Variants in AFF2 observed in about 807,000 individuals in gnomAD.
The protein encoded by AFF2 is ALF transcription elongation factor 2, also known as AF4/FMR2 family member 2.
Under a neutral mutation model 76.9 loss-of-function variants are expected in AFF2, and 14 were observed. That is an observed-to-expected ratio of 0.18 (90% CI 0.12 to 0.28). AFF2 has a LOEUF of 0.28. AFF2 is among the 10% of genes least tolerant of loss of function. The pLI is 1.00. For synonymous variants in AFF2, 398 were observed against 366.7 expected, an observed-to-expected ratio of 1.09 and a Z score of -0.98; for missense variants, 868 against 1,001.1, an observed-to-expected ratio of 0.87 and a Z score of 1.79.
intron 1 of AFF2, among the ~76,000 whole-genome samples, chrX:148,573,339 A>C (rs2124329879): frequency 9.0e-6 from 1 of 111,237 alleles, no homozygotes; most frequent in East Asian, 2.8e-4. Flanking sequence ...AGACAGAAGA[A>C]ACATGCAATG....
intron 3 of AFF2, among the ~76,000 whole-genome samples, chrX:148,696,679 A>G (rs2054725898): frequency 3.6e-5 from 4 of 111,845 alleles, no homozygotes; most frequent in Non-Finnish European, 5.6e-5. Flanking sequence ...TATTTAAAGG[A>G]TATTTGTGTC....
At chrX:148,781,266 C>T (rs2069740610) in intron 3 of AFF2, among the ~76,000 whole-genome samples, 1 of 112,218 alleles carries the variant, frequency 8.9e-6, no homozygotes, top group African/African-American at 3.2e-5. Context: ...CTGGGAGATC[C>T]ACTGCTCTCT....
chrX:148,854,414 G>A (rs782522549), intron 7 of AFF2, among the ~76,000 whole-genome samples: 7 of 111,551 alleles, frequency 6.3e-5, no homozygotes, highest in Non-Finnish European at 1.1e-4. Flanking sequence ...AGAAAGAAAT[G>A]TGATACTCAG....
At chrX:148,702,304 C>T (rs782086552) in intron 3 of AFF2, among the ~76,000 whole-genome samples, 2 of 111,628 alleles carry the variant, frequency 1.8e-5, no homozygotes, top group African/African-American at 6.5e-5. Context: ...TGGTCCTTGT[C>T]AGAAATATTG....
intron 3 of AFF2, among the ~76,000 whole-genome samples, chrX:148,702,101 T>C (rs1163749842): frequency 8.9e-6 from 1 of 111,732 alleles, no homozygotes; most frequent in Admixed American, 9.5e-5. Flanking sequence ...ATATAATGGA[T>C]TCATTAGGTA....
intron 1 of AFF2, among the ~76,000 whole-genome samples, chrX:148,592,490 A>T (rs1339335181): frequency 9.1e-6 from 1 of 109,389 alleles, no homozygotes; most frequent in Non-Finnish European, 1.9e-5. Context: ...CCTGCTATAA[A>T]AAAAAAAAAA....
At position 148,662,421 on chromosome X, in the gene AFF2, G is replaced by T. The variant is rs782175109; in HGVS notation, c.694G>T (p.Glu232Ter). 8.3e-7 allele frequency: 1 copy of T among 1,210,514 alleles called. No individual in the cohort carries two copies. Among genetic ancestry groups the T allele is most frequent in the African/African-American group, 1.7e-5 (1 of 57,385 alleles). The change falls in exon 3 of 21, where the codon GAA (glutamate) becomes TAA (stop). Residue 232 changes from glutamate (E) to a stop codon, truncating the protein, a stop_gained. Transcript: ENST00000370460. LOFTEE classifies it high-confidence loss of function. ...TTCTAGTGGAGAAGATGCTTTCAAA[G>T]AAATCTTTCAATCCAATTCACCGGA... ...PNSSGEDAFK[E>*]IFQSNSPEES...
At chrX:148,806,038 A>T (rs1557271302) in intron 3 of AFF2, among the ~76,000 whole-genome samples, 1 of 112,561 alleles carries the variant, frequency 8.9e-6, no homozygotes, top group Non-Finnish European at 1.9e-5. Context: ...TCAAGAGTGG[A>T]TTTAAAGAGA....
rs1442026203 is a variant in AFF2, at chrX:148,878,214, T to C, written c.1263-7675T>C. Among the ~76,000 whole-genome samples the C allele has an allele frequency of 2.7e-5, 3 of 112,078 alleles. No homozygotes were observed. The Admixed American group carries it at 2.8e-4, about 11-fold the overall frequency. On this transcript the variant is annotated intron_variant, in intron 7 of 20. Transcript: ENST00000370460. ...CTTATCAAAATGAAGAGACATTTGA[T>C]AGACAGGCAGCCTAGTGTGAGGGAA...
intron 1 of AFF2, among the ~76,000 whole-genome samples, chrX:148,581,036 CACACAT>C (rs1485436242): frequency 5.9e-5 from 2 of 33,691 alleles, no homozygotes; most frequent in African/African-American, 7.2e-5. Flanking sequence ...TGTATATATA[CACACAT>C]ATATACACAT....
At chrX:148,640,617 G>A (rs73619917) in intron 1 of AFF2, among the ~76,000 whole-genome samples, 4,200 of 112,227 alleles carry the variant, frequency 0.037, 219 homozygotes, top group African/African-American at 0.13. Context: ...GAGAGACAAC[G>A]TGCTATAATA....
At chrX:148,896,110 C>T (rs1351861317) in intron 8 of AFF2, among the ~76,000 whole-genome samples, 1 of 111,484 alleles carries the variant, frequency 9.0e-6, no homozygotes, top group Non-Finnish European at 1.9e-5. Flanking sequence ...GTCATTAAGT[C>T]TTAGTAAGTC....
At position 148,662,118 on chromosome X, in the gene AFF2, C is replaced by T. The variant is rs1195266733; in HGVS notation, c.391C>T (p.His131Tyr). 3 of 1,203,464 alleles carry T rather than the reference C, an allele frequency of 2.5e-6. No homozygotes were observed. The East Asian group carries it at 8.9e-5, about 36-fold the overall frequency. ...AATTCCACCTCACCAGGATAATACC[C>T]ATCCTTCAGCACCAATGCCTCCACC... ...RIIPPHQDNT[H>Y]PSAPMPPPSV... The change falls in exon 3 of 21, where the codon CAT becomes TAT. Residue 131 changes from histidine to tyrosine, a missense_variant. Physicochemically the swap from His to Tyr is moderately conservative, Grantham distance 83. Around this residue, in one of 6 missense-constraint regions of AFF2, gnomAD observed 196 missense variants for 194.8 expected, o/e 1.01. Coordinates refer to ENST00000370460, the MANE Select transcript of AFF2 (RefSeq NM_002025.4).
At chrX:148,713,961 C>T (rs2054998919) in intron 3 of AFF2, among the ~76,000 whole-genome samples, 1 of 111,739 alleles carries the variant, frequency 8.9e-6, no homozygotes, top group African/African-American at 3.3e-5. Context: ...CTTTCAATGA[C>T]CAGATGCATA....
In AFF2 at chrX:148,501,133, G is replaced by C. The variant is rs782701728; in HGVS notation, c.36G>C (p.Leu12Phe). 1 of 1,209,707 alleles carries C rather than the reference G, an allele frequency of 8.3e-7. No individual in the cohort carries two copies. The highest frequency in any genetic ancestry group is 1.1e-6 in the Non-Finnish European group (1 of 894,753). ...TCGACTTTTTCAGAGACTGGGACTT[G>C]GAGCAGCAGTGGTAGGTGTTGATTT... ...DLFDFFRDWD[L>F]EQQCHYEQDR... The change falls in exon 1 of 21, where the codon TTG becomes TTC. Residue 12 changes from leucine (L) to phenylalanine (F), a missense_variant. Leu to Phe is a conservative substitution (Grantham distance 22). Around this residue, in one of 6 missense-constraint regions of AFF2, gnomAD observed 196 missense variants for 194.8 expected, o/e 1.01. Transcript: ENST00000370460.
At chrX:148,659,761 T>C (rs936112333) in intron 2 of AFF2, among the ~76,000 whole-genome samples, 1 of 112,258 alleles carries the variant, frequency 8.9e-6, no homozygotes, top group Non-Finnish European at 1.9e-5. Context: ...CTACTGTCCA[T>C]GTGGTTCATT....
At chrX:148,878,669 T>A (rs1557278148) in intron 7 of AFF2, among the ~76,000 whole-genome samples, 1 of 111,933 alleles carries the variant, frequency 8.9e-6, no homozygotes, top group African/African-American at 3.2e-5. Context: ...AAATTTTTTT[T>A]AAAGATAAAA....
chrX:148,994,246 G>A lies in AFF2; in HGVS notation c.*2914G>A, dbSNP rs1190535893. Reference sequence around the variant, plus strand: ...ACTTGTCACCCAAGCTCCAACCACAGAGAGTTTGACAAGTTTGTGTTATGA... The same window carrying A: ...ACTTGTCACCCAAGCTCCAACCACAAAGAGTTTGACAAGTTTGTGTTATGA... On this transcript the variant is annotated 3_prime_UTR_variant, in exon 21 of 21. Transcript: ENST00000370460. The A allele has an allele frequency of 8.9e-6, 1 of 112,362 alleles. No homozygotes were observed. The highest frequency in any genetic ancestry group is 1.9e-5 in the Non-Finnish European group (1 of 53,242). The allele number at this position is 112,362 out of a possible 1,213,427, so 9.3% of individuals were successfully genotyped here.
chrX:148,545,766 C>T (rs1370803161), intron 1 of AFF2, among the ~76,000 whole-genome samples: 2 of 110,482 alleles, frequency 1.8e-5, no homozygotes, highest in Admixed American at 1.9e-4. Context: ...AGAGTCACCT[C>T]GAGGGCTTGT....
Sources: allele counts gnomAD v4.1 joint callset (sites outside exome capture counted in the v4.1 genomes callset), GRCh38; gene constraint gnomAD v4.1.1; regional missense constraint gnomAD v4.1.1; transcripts MANE v1.5; gene names NCBI Gene and HGNC (gene_info 2026-07-23, HGNC 2026-07-21).